Variants in TTLL7 observed in about 807,000 individuals in gnomAD.
The protein encoded by TTLL7 is tubulin polyglutamylase TTLL7.
TTLL7 carries 53 observed loss-of-function variants against 120.2 expected under a neutral mutation model. The observed-to-expected ratio is 0.44, with a 90% CI of 0.35 to 0.55. The LOEUF (loss-of-function observed/expected upper bound fraction) is 0.55, where lower values mean the gene tolerates loss of function less well. TTLL7 is among the 20% of genes least tolerant of loss of function. The probability of loss-of-function intolerance (pLI) is 0.00; values close to 1 mark genes in which losing one functional copy is unlikely to be tolerated. For missense variants in TTLL7, 803 were observed against 1,054.7 expected, an observed-to-expected ratio of 0.76 and a Z score of 3.31; for synonymous variants, 353 against 351.7, an observed-to-expected ratio of 1.00 and a Z score of -0.04.
intron 1 of TTLL7, among the ~76,000 whole-genome samples, chr1:83,992,808 T>TG: frequency 6.7e-6 from 1 of 149,868 alleles, no homozygotes; most frequent in Non-Finnish European, 1.5e-5. Context: ...TTTTTTTTTT[T>TG]TTTGGAAATG....
Position 83,921,078 on chromosome 1 carries a change from C to T in TTLL7, c.1364+9G>A, listed in dbSNP as rs935911167. On this transcript the variant is annotated intron_variant, in intron 12 of 20. Coordinates refer to ENST00000260505, the MANE Select transcript of TTLL7 (RefSeq NM_024686.6). ...TTTTCAATCTATACAAAAATAGCAG[C>T]ACAGTTACCTATAATTCCCCATATG... The T allele has an allele frequency of 5.0e-6, 8 of 1,608,824 alleles. No individual in the cohort carries two copies. Among genetic ancestry groups the T allele is most frequent in the Non-Finnish European group, 6.8e-6 (8 of 1,178,136 alleles).
intron 13 of TTLL7, 75 bp from the exon 14 acceptor site, chr1:83,917,765 A>T: frequency 1.1e-6 from 1 of 922,522 alleles, no homozygotes; most frequent in East Asian, 2.6e-5. Flanking sequence ...TAATCTCCAC[A>T]AAATAATGCA....
chr1:83,998,927 T>C lies in TTLL7; in HGVS notation c.-177+4A>G. 1 of 406,220 alleles carries C rather than the reference T, an allele frequency of 2.5e-6. No homozygotes were observed. 25.2% of individuals were successfully genotyped at this position (406,220 alleles called of 1,614,324 possible). A position where few individuals can be genotyped will look rare whatever the true frequency, so the allele number is the denominator to read the frequency against. Reference sequence around the variant, plus strand: ...GGGGGAGGATGGCGGCAGCAGGTACTCACCCGGGTGAGGAAAGCCCAGCCC... The same window carrying C: ...GGGGGAGGATGGCGGCAGCAGGTACCCACCCGGGTGAGGAAAGCCCAGCCC... On this transcript the variant is annotated splice_donor_region_variant and intron_variant, in intron 1 of 20. Transcript: ENST00000260505.
At chr1:83,894,639 G>GTTA (rs1320323873) in intron 18 of TTLL7, among the ~76,000 whole-genome samples, 1 of 152,068 alleles carries the variant, frequency 6.6e-6, no homozygotes, top group Non-Finnish European at 1.5e-5. Context: ...GAGCCGGGGA[G>GTTA]TTAGGGATGG....
intron 1 of TTLL7, among the ~76,000 whole-genome samples, chr1:83,983,541 T>C (rs1339996673): frequency 6.6e-6 from 1 of 152,072 alleles, no homozygotes; most frequent in Non-Finnish European, 1.5e-5. Flanking sequence ...ATACCCTTCC[T>C]AGCAAACACT....
intron 14 of TTLL7, among the ~76,000 whole-genome samples, chr1:83,914,218 A>G (rs941287020): frequency 6.6e-6 from 1 of 151,910 alleles, no homozygotes; most frequent in Non-Finnish European, 1.5e-5. Context: ...CACTTGAGTC[A>G]TACCAAACTT....
intron 9 of TTLL7, 110 bp downstream of exon 9, chr1:83,933,498 T>C: frequency 8.6e-7 from 1 of 1,156,594 alleles, no homozygotes; most frequent in Non-Finnish European, 1.2e-6. Flanking sequence ...CATTCAGCCT[T>C]CATTCTGGAC....
intron 19 of TTLL7, among the ~76,000 whole-genome samples, chr1:83,887,908 TCAGA>T (rs968743408): frequency 4.1e-4 from 63 of 152,066 alleles, no homozygotes; most frequent in African/African-American, 1.4e-3. Flanking sequence ...TAAAACAATG[TCAGA>T]CATTTAGTAA....
chr1:83,994,921 T>C (rs1653345184), intron 1 of TTLL7, among the ~76,000 whole-genome samples: 1 of 152,178 alleles, frequency 6.6e-6, no homozygotes, highest in African/African-American at 2.4e-5. Flanking sequence ...ATATGTGTGT[T>C]GTGGGTGAGG....
At position 83,919,702 on chromosome 1, in the gene TTLL7, C is replaced by T; in HGVS notation, c.1497G>A (p.Met499Ile). The change falls in exon 13 of 21, where the codon ATG becomes ATA. Residue 499 changes from methionine (M) to isoleucine (I), a missense_variant. Met to Ile is a conservative substitution (Grantham distance 10, BLOSUM62 1). Around this residue, in one of 3 missense-constraint regions of TTLL7, gnomAD observed 324 missense variants for 507.7 expected, o/e 0.64. Transcript: ENST00000260505. ...ATATAAACATTCATTCTCTTACCTTCATCCTTTTCAAAGGATTATTCAACT... is the reference window on the plus strand; with the variant it reads ...ATATAAACATTCATTCTCTTACCTTTATCCTTTTCAAAGGATTATTCAACT... ...QRELNNPLKR[M>I]KEEDILDLLE... 1 of 1,610,860 alleles carries T rather than the reference C, an allele frequency of 6.2e-7. No individual in the cohort carries two copies. Among genetic ancestry groups the T allele is most frequent in the Non-Finnish European group, 8.5e-7 (1 of 1,178,588 alleles).
At chr1:83,899,863 T>C (rs992873206) in intron 18 of TTLL7, among the ~76,000 whole-genome samples, 3 of 151,972 alleles carry the variant, frequency 2.0e-5, no homozygotes, top group African/African-American at 4.8e-5. Flanking sequence ...TTAAAGGTGG[T>C]TGTACATCTG....
intron 7 of TTLL7, among the ~76,000 whole-genome samples, chr1:83,939,879 ACACC>A (rs961396007): frequency 1.3e-5 from 2 of 152,168 alleles, no homozygotes; most frequent in Non-Finnish European, 2.9e-5. Context: ...CCGTCCAGAA[ACACC>A]CAATGAGAGC....
chr1:83,998,971 T>C lies in TTLL7; in HGVS notation c.-217A>G, dbSNP rs1049363761. ...CCAGCCCGGGTCCTCGCGTCCCCGC[T>C]GCAAGCGGTCCCCCAGGTGCTCCCG... On this transcript the variant is annotated 5_prime_UTR_variant, in exon 1 of 21. Coordinates refer to ENST00000260505, the MANE Select transcript of TTLL7 (RefSeq NM_024686.6). 20 of 436,238 alleles carry C rather than the reference T, an allele frequency of 4.6e-5. No individual in the cohort carries two copies. Among genetic ancestry groups the C allele is most frequent in the Non-Finnish European group, 7.8e-5 (17 of 219,114 alleles). 27.0% of individuals were successfully genotyped at this position (436,238 alleles called of 1,614,324 possible).
chr1:83,938,551 C>T (rs188276979), intron 7 of TTLL7, among the ~76,000 whole-genome samples: 3 of 152,314 alleles, frequency 2.0e-5, no homozygotes, highest in East Asian at 3.9e-4. Flanking sequence ...CCCTTTAGCT[C>T]GGTACCACAG....
At chr1:83,884,624 GTT>G (rs1654815502) in intron 19 of TTLL7, among the ~76,000 whole-genome samples, 1 of 149,404 alleles carries the variant, frequency 6.7e-6, no homozygotes, top group South Asian at 2.1e-4. Flanking sequence ...AAATACTGGT[GTT>G]TTTTCCAAAC....
At chr1:83,940,125 T>G (rs1048072280) in intron 7 of TTLL7, among the ~76,000 whole-genome samples, 2 of 152,092 alleles carry the variant, frequency 1.3e-5, no homozygotes. Flanking sequence ...GAAGAGCACA[T>G]AGCAAAATGA....
At chr1:83,942,362 G>C in intron 7 of TTLL7, 101 bp downstream of exon 7, 2 of 944,736 alleles carry the variant, frequency 2.1e-6, no homozygotes, top group Admixed American at 5.2e-5. Flanking sequence ...AAACCTGAGA[G>C]GAGCAACTTT....
At chr1:83,873,270 T>G (rs2100693899) in intron 20 of TTLL7, among the ~76,000 whole-genome samples, 2 of 152,324 alleles carry the variant, frequency 1.3e-5, no homozygotes. Context: ...CTAATGCAAG[T>G]GCTGTGGGAT....
chr1:83,870,617 T>C (rs1032764995), intron 20 of TTLL7, among the ~76,000 whole-genome samples: 2 of 152,028 alleles, frequency 1.3e-5, no homozygotes, highest in African/African-American at 2.4e-5. Context: ...TTACAGAATA[T>C]CAAAAACAAT....
Sources: gnomAD v4.1 joint callset for allele counts (sites outside exome capture counted in the v4.1 genomes callset) on GRCh38, gnomAD v4.1.1 for gene constraint, gnomAD v4.1.1 regional missense constraint, MANE v1.5 for transcripts, NCBI Gene and HGNC (gene_info 2026-07-23, HGNC 2026-07-21) for gene names.